Variants in SCFD2 observed in about 807,000 individuals in gnomAD.
SCFD2 encodes the protein sec1 family domain containing 2, also known as sec1 family domain-containing protein 2.
A neutral mutation model predicts 58.9 loss-of-function variants in SCFD2; 54 were observed. The ratio of observed to expected loss-of-function variants is 0.92; its 90% CI spans 0.74 to 1.15. SCFD2 has a LOEUF of 1.15. Ranked by LOEUF, SCFD2 falls within the 50% of genes most tolerant of loss-of-function variation. The probability of loss-of-function intolerance (pLI) is 0.00; values close to 1 mark genes in which losing one functional copy is unlikely to be tolerated. For synonymous variants in SCFD2, 321 were observed against 335.9 expected, an observed-to-expected ratio of 0.96 and a Z score of 0.49; for missense variants, 805 against 836.6, an observed-to-expected ratio of 0.96 and a Z score of 0.47.
chr4:52,933,381 C>T (rs1720049223), intron 5 of SCFD2, among the ~76,000 whole-genome samples: 1 of 152,198 alleles, frequency 6.6e-6, no homozygotes, highest in Non-Finnish European at 1.5e-5. Flanking sequence ...AGATGAATCA[C>T]ATTGTCTACA....
intron 5 of SCFD2, among the ~76,000 whole-genome samples, chr4:52,997,824 T>C (rs1721778602): frequency 6.6e-6 from 1 of 152,202 alleles, no homozygotes; most frequent in Non-Finnish European, 1.5e-5. Flanking sequence ...TCTATGCCTA[T>C]ATCCCTGGCA....
intron 4 of SCFD2, among the ~76,000 whole-genome samples, chr4:53,235,291 C>A (rs1406544740): frequency 6.6e-6 from 1 of 152,234 alleles, no homozygotes; most frequent in Non-Finnish European, 1.5e-5. Flanking sequence ...TCTGTCCTAA[C>A]AGCCACAATG....
At chr4:53,186,974 C>A (rs995370878) in intron 4 of SCFD2, among the ~76,000 whole-genome samples, 1 of 151,262 alleles carries the variant, frequency 6.6e-6, no homozygotes. Context: ...CAAAACAAAC[C>A]AATTAAGGAA....
chr4:53,229,799 C>G (rs532047856), intron 4 of SCFD2, among the ~76,000 whole-genome samples: 1 of 152,124 alleles, frequency 6.6e-6, no homozygotes, highest in Non-Finnish European at 1.5e-5. Context: ...AGAGCTTCTG[C>G]GCAGCAAAAG....
intron 4 of SCFD2, among the ~76,000 whole-genome samples, chr4:53,179,359 A>G (rs1048906723): frequency 1.3e-5 from 2 of 152,172 alleles, no homozygotes; most frequent in African/African-American, 4.8e-5. Context: ...CATTCTTAAA[A>G]AAAAGAATTT....
intron 5 of SCFD2, among the ~76,000 whole-genome samples, chr4:53,004,519 A>C (rs1319662041): frequency 6.6e-6 from 1 of 152,210 alleles, no homozygotes; most frequent in East Asian, 1.9e-4. Context: ...CAAGATAGGT[A>C]CTATTATGAT....
chr4:53,260,406 T>C (rs536806578), intron 4 of SCFD2, among the ~76,000 whole-genome samples: 38 of 152,230 alleles, frequency 2.5e-4, no homozygotes, highest in South Asian at 1.0e-3. Context: ...ATGTCCCTTC[T>C]ATGCTGATTT....
At chr4:53,034,532 T>C (rs1447632320) in intron 5 of SCFD2, among the ~76,000 whole-genome samples, 3 of 152,186 alleles carry the variant, frequency 2.0e-5, no homozygotes, top group African/African-American at 7.2e-5. Flanking sequence ...GGAAGTCAAA[T>C]TGTCTCTGTT....
At chr4:52,925,869 T>C (rs1255183393) in intron 5 of SCFD2, among the ~76,000 whole-genome samples, 1 of 152,180 alleles carries the variant, frequency 6.6e-6, no homozygotes, top group Non-Finnish European at 1.5e-5. Flanking sequence ...CTCATGCCTC[T>C]GTAATTTCTT....
intron 3 of SCFD2, among the ~76,000 whole-genome samples, chr4:53,276,637 T>C (rs906889535): frequency 6.6e-6 from 1 of 152,048 alleles, no homozygotes; most frequent in African/African-American, 2.4e-5. Flanking sequence ...TCAAGTAAGC[T>C]CCAATATCAG....
chr4:53,229,350 A>C (rs1729349775), intron 4 of SCFD2, among the ~76,000 whole-genome samples: 1 of 152,228 alleles, frequency 6.6e-6, no homozygotes, highest in Non-Finnish European at 1.5e-5. Context: ...TGGAGGCATC[A>C]AGCTACCTGA....
intron 5 of SCFD2, among the ~76,000 whole-genome samples, chr4:53,139,757 G>C (rs62570978): frequency 1.3e-5 from 2 of 151,670 alleles, no homozygotes; most frequent in South Asian, 4.2e-4. Context: ...TGGTTTTGTC[G>C]AATAGAAAGG....
intron 4 of SCFD2, among the ~76,000 whole-genome samples, chr4:53,174,234 A>T (rs552690026): frequency 6.6e-6 from 1 of 152,050 alleles, no homozygotes; most frequent in African/African-American, 2.4e-5. Flanking sequence ...AGAATTGCTA[A>T]ATTAAAAAAA....
At chr4:52,922,492 G>A (rs903313799) in intron 5 of SCFD2, among the ~76,000 whole-genome samples, 1 of 151,930 alleles carries the variant, frequency 6.6e-6, no homozygotes, top group African/African-American at 2.4e-5. Flanking sequence ...TGTTTTCAGG[G>A]TTCATCCAAG....
Position 53,365,804 on chromosome 4 carries a change from C to A in SCFD2, c.138G>T (p.Leu46=). The A allele has an allele frequency of 6.2e-7, 1 of 1,614,044 alleles. No individual in the cohort carries two copies. Among genetic ancestry groups the A allele is most frequent in the Non-Finnish European group, 8.5e-7 (1 of 1,180,004 alleles). The change falls in exon 1 of 9, where the codon CTG becomes CTT. Residue 46 remains leucine (L), a synonymous_variant. Coordinates refer to ENST00000401642, the MANE Select transcript of SCFD2 (RefSeq NM_152540.4). This position sits in a 1 kb window ranked among gnomAD's most constrained non-coding sequence, Gnocchi z 4.3. ...LHWGCGSTRL[L]EAVGGPDCHL... ...GACAGTCAGGACCCCCCACCGCCTC[C>A]AGGAGACGGGTGGATCCGCAGCCCC...
At chr4:52,980,365 A>C (rs1362546621) in intron 5 of SCFD2, among the ~76,000 whole-genome samples, 1 of 152,146 alleles carries the variant, frequency 6.6e-6, no homozygotes, top group Non-Finnish European at 1.5e-5. Flanking sequence ...AAGGTCATAC[A>C]ATTTCTATGG....
At chr4:53,333,174 C>A (rs534635589) in intron 2 of SCFD2, among the ~76,000 whole-genome samples, 1 of 135,850 alleles carries the variant, frequency 7.4e-6, no homozygotes, top group African/African-American at 2.8e-5. Flanking sequence ...CCATACTGCC[C>A]AAGGTAATTT....
chr4:53,098,194 C>T (rs1341081503), intron 5 of SCFD2, among the ~76,000 whole-genome samples: 2 of 152,160 alleles, frequency 1.3e-5, no homozygotes, highest in African/African-American at 4.8e-5. Flanking sequence ...TGTTGTGTCT[C>T]TGCCAGGATT....
intron 5 of SCFD2, among the ~76,000 whole-genome samples, chr4:53,007,338 G>A: frequency 7.6e-6 from 1 of 131,676 alleles, no homozygotes; most frequent in Non-Finnish European, 1.6e-5. Context: ...GAGAGAGGGA[G>A]AGAGAGAGAG....
Sources: gnomAD v4.1 joint callset for allele counts (sites outside exome capture counted in the v4.1 genomes callset) on GRCh38, gnomAD v4.1.1 for gene constraint, Gnocchi (gnomAD v3.1) non-coding constraint, MANE v1.5 for transcripts, NCBI Gene and HGNC (gene_info 2026-07-23, HGNC 2026-07-21) for gene names.